Variants in TNFAIP8L3 observed in about 807,000 individuals in gnomAD.
TNFAIP8L3 encodes the protein tumor necrosis factor alpha-induced protein 8-like protein 3.
TNFAIP8L3 carries 7 observed loss-of-function variants against 11.8 expected under a neutral mutation model. The ratio of observed to expected loss-of-function variants is 0.59; its 90% CI spans 0.34 to 1.11. The LOEUF (loss-of-function observed/expected upper bound fraction) is 1.11. TNFAIP8L3 is among the 50% of genes most tolerant of loss of function. TNFAIP8L3 has a pLI of 0.03. For synonymous variants in TNFAIP8L3, 98 were observed against 103.8 expected (o/e 0.94, Z 0.34); for missense variants, 219 against 258.6 (o/e 0.85, Z 1.05).
Position 51,102,073 on chromosome 15 carries a change from A to G in TNFAIP8L3, c.172+2932T>C, listed in dbSNP as rs538164227. Reference sequence around the variant, plus strand: ...AAGAAAGTGTTTTTTAATGATTACAACTAGATGACCATGGGTAGGGGTATT... The same window carrying G: ...AAGAAAGTGTTTTTTAATGATTACAGCTAGATGACCATGGGTAGGGGTATT... On this transcript the variant is annotated intron_variant, in intron 1 of 2. Transcript: ENST00000327536. 1.2e-4 allele frequency among the ~76,000 whole-genome samples: 19 copies of G among 152,296 alleles called. 1 individual carries two copies. The highest frequency in any genetic ancestry group is 4.6e-4 in the African/African-American group (19 of 41,556).
chr15:51,065,857 A>G lies in TNFAIP8L3; in HGVS notation c.53-7414T>C, dbSNP rs115193897. On this transcript the variant is annotated intron_variant, in intron 1 of 1. Coordinates refer to ENST00000637513, the MANE Select transcript of TNFAIP8L3 (RefSeq NM_001311175.2). ...TGAGATAATGGCAGGGAAGAGAATT[A>G]GCTAAAAATGTTAAGCAGAAGTTAA... is the stretch of plus-strand genomic sequence containing the variant. 6.0e-3 allele frequency among the ~76,000 whole-genome samples: 918 copies of G among 152,362 alleles called. 9 individuals are homozygous for G. Among genetic ancestry groups the G allele is most frequent in the African/African-American group, 0.021 (862 of 41,592 alleles).
At chr15:51,092,489 T>C (rs976681649) in intron 1 of TNFAIP8L3, among the ~76,000 whole-genome samples, 1 of 152,370 alleles carries the variant, frequency 6.6e-6, no homozygotes, top group East Asian at 1.9e-4. Flanking sequence ...AGATGGAATA[T>C]AATGCGTGAG....
In TNFAIP8L3 at chr15:51,094,821, A is replaced by C; in HGVS notation, c.-226T>G. 5.6e-6 allele frequency: 3 copies of C among 536,356 alleles called. No individual in the cohort carries two copies. The highest frequency in any genetic ancestry group is 7.1e-6 in the Non-Finnish European group (3 of 421,626). 33.2% of individuals were successfully genotyped at this position (536,356 alleles called of 1,614,324 possible). A position where few individuals can be genotyped will look rare whatever the true frequency, so the allele number is the denominator to read the frequency against. ...CCGGCCGGTGCCTGCGCGCGAGGCG[A>C]GCGCAGGGCGGAGGGTGGGGCGCTC... On this transcript the variant is annotated 5_prime_UTR_variant, in exon 1 of 2. Coordinates refer to ENST00000637513, the MANE Select transcript of TNFAIP8L3 (RefSeq NM_001311175.2). This position sits in a 1 kb window ranked among gnomAD's most constrained non-coding sequence, Gnocchi z 4.4.
chr15:51,100,191 G>A (rs2065540640), intron 1 of TNFAIP8L3, among the ~76,000 whole-genome samples: 3 of 152,218 alleles, frequency 2.0e-5, no homozygotes, highest in African/African-American at 4.8e-5. Context: ...ATGAAGGGAA[G>A]TGACTGTCAC....
Position 51,094,558 on chromosome 15 carries a change from G to C in TNFAIP8L3, c.38C>G (p.Pro13Arg). ...SDSGEQSEGEPVTAAGPDVFS... is the reference protein window; with the variant it reads ...SDSGEQSEGERVTAAGPDVFS... ...CCCCTAGGTACCTGCGGCGGTCACG[G>C]GCTCGCCCTCGCTCTGCTCCCCGGA... is the stretch of plus-strand genomic sequence containing the variant. Residue 13 changes from proline (P) to arginine (R), a missense_variant, in exon 1 of 2, where the codon CCC becomes CGC. By Grantham distance (103) the Pro-to-Arg change is moderately radical. Coordinates refer to ENST00000637513, the MANE Select transcript of TNFAIP8L3 (RefSeq NM_001311175.2). The surrounding 1 kb of genome is among the most constrained non-coding windows in gnomAD (Gnocchi z 4.4). 6.6e-7 allele frequency: 1 copy of C among 1,504,216 alleles called. No individual in the cohort carries two copies. Among genetic ancestry groups the C allele is most frequent in the Non-Finnish European group, 8.8e-7 (1 of 1,131,232 alleles). The allele number at this position is 1,504,216 out of a possible 1,614,324, so 93.2% of individuals were successfully genotyped here. A position where few individuals can be genotyped will look rare whatever the true frequency, so the allele number is the denominator to read the frequency against.
chr15:51,086,085 G>A (rs1044448894), intron 1 of TNFAIP8L3, among the ~76,000 whole-genome samples: 6 of 152,132 alleles, frequency 3.9e-5, no homozygotes, highest in Non-Finnish European at 7.3e-5. Context: ...ACCATGTCCT[G>A]GGGATTGTAT....
At chr15:51,069,224 C>A (rs2065291984) in intron 1 of TNFAIP8L3, among the ~76,000 whole-genome samples, 1 of 152,184 alleles carries the variant, frequency 6.6e-6, no homozygotes, top group Non-Finnish European at 1.5e-5. Context: ...AGGCAGAGAG[C>A]TTTGGCTTTG....
Position 51,094,305 on chromosome 15 carries a change from C to T in TNFAIP8L3, c.52+239G>A, listed in dbSNP as rs62018215. The stretch of plus-strand genomic sequence containing the variant: ...CCACCCAGCCCGGGCGACCAGAGCC[C>T]GCCGCGGGAGACTGGCAGCAAGGAG... On this transcript the variant is annotated intron_variant, in intron 1 of 1. Transcript: ENST00000637513. The surrounding 1 kb of genome is among the most constrained non-coding windows in gnomAD (Gnocchi z 4.4). Among the ~76,000 whole-genome samples the T allele has an allele frequency of 0.12, 17,680 of 152,170 alleles. 1,264 individuals are homozygous for T. Among genetic ancestry groups the T allele is most frequent in the Non-Finnish European group, 0.15 (10,370 of 67,954 alleles).
At chr15:51,076,167 T>G (rs1402127877) in intron 1 of TNFAIP8L3, among the ~76,000 whole-genome samples, 2 of 152,232 alleles carry the variant, frequency 1.3e-5, no homozygotes, top group Non-Finnish European at 2.9e-5. Context: ...GTTTACGGAT[T>G]TAAGACAAGT....
intron 1 of TNFAIP8L3, among the ~76,000 whole-genome samples, chr15:51,078,999 ATGC>A (rs1158009939): frequency 6.6e-6 from 1 of 152,154 alleles, no homozygotes; most frequent in East Asian, 1.9e-4. Context: ...GGCTTCGATG[ATGC>A]TGCTCCTCTA....
chr15:51,068,548 C>T (rs889423005), intron 1 of TNFAIP8L3, among the ~76,000 whole-genome samples: 1 of 152,100 alleles, frequency 6.6e-6, no homozygotes, highest in African/African-American at 2.4e-5. Flanking sequence ...AATGCAAACA[C>T]GTCCATTTAG....
chr15:51,068,840 G>A (rs928882488), intron 1 of TNFAIP8L3, among the ~76,000 whole-genome samples: 1 of 151,834 alleles, frequency 6.6e-6, no homozygotes, highest in African/African-American at 2.4e-5. Flanking sequence ...GCTAATTTTT[G>A]TATTTTTAGT....
intron 1 of TNFAIP8L3, among the ~76,000 whole-genome samples, chr15:51,062,845 G>A (rs993905292): frequency 1.3e-5 from 2 of 152,198 alleles, no homozygotes; most frequent in Non-Finnish European, 1.5e-5. Context: ...CTCATACTTG[G>A]AACCACTGGA....
intron 1 of TNFAIP8L3, among the ~76,000 whole-genome samples, chr15:51,083,892 A>G (rs919910524): frequency 1.3e-5 from 2 of 152,216 alleles, no homozygotes; most frequent in African/African-American, 4.8e-5. Context: ...GCAAATTTCA[A>G]GGGAGAGGAC....
In TNFAIP8L3 at chr15:51,094,513, AC is replaced by A; in HGVS notation, c.52+30del. The stretch of plus-strand genomic sequence containing the variant: ...CTCCCGTCCTCCCCAGCCCCAGCCC[AC>A]CCGCCTGGGCCGTCGCGGCCCCTAG... On this transcript the variant is annotated intron_variant, in intron 1 of 1. Transcript: ENST00000637513. The surrounding 1 kb of genome is among the most constrained non-coding windows in gnomAD (Gnocchi z 4.4). 6.9e-7 allele frequency: 1 copy of A among 1,458,954 alleles called. No homozygotes were observed. Among genetic ancestry groups the A allele is most frequent in the Non-Finnish European group, 9.0e-7 (1 of 1,107,830 alleles). The allele number at this position is 1,458,954 out of a possible 1,614,324, so 90.4% of individuals were successfully genotyped here. A position where few individuals can be genotyped will look rare whatever the true frequency, so the allele number is the denominator to read the frequency against.
At chr15:51,088,793 T>C (rs1303268334) in intron 1 of TNFAIP8L3, among the ~76,000 whole-genome samples, 1 of 152,224 alleles carries the variant, frequency 6.6e-6, no homozygotes, top group African/African-American at 2.4e-5. Context: ...ACCACTGCCA[T>C]GTGCTGCACG....
intron 1 of TNFAIP8L3, among the ~76,000 whole-genome samples, chr15:51,072,989 C>CTTTTT (rs2065321403): frequency 1.3e-4 from 6 of 45,750 alleles, no homozygotes; most frequent in African/African-American, 2.1e-4. Context: ...AAACTGGGAT[C>CTTTTT]CTTTTTTTTT....
intron 1 of TNFAIP8L3, among the ~76,000 whole-genome samples, chr15:51,085,237 T>C (rs1213863555): frequency 6.6e-6 from 1 of 152,168 alleles, no homozygotes; most frequent in Non-Finnish European, 1.5e-5. Context: ...ATTGGAGAAC[T>C]AGTGGCCAAT....
chr15:51,081,569 C>T (rs2140975327), intron 1 of TNFAIP8L3, among the ~76,000 whole-genome samples: 2 of 152,356 alleles, frequency 1.3e-5, no homozygotes, highest in East Asian at 3.9e-4. Flanking sequence ...CACCAACCTC[C>T]ACCCTCTTCA....
Sources: allele counts gnomAD v4.1 joint callset (sites outside exome capture counted in the v4.1 genomes callset), GRCh38; gene constraint gnomAD v4.1.1; non-coding constraint Gnocchi (gnomAD v3.1); transcripts MANE v1.5; gene names NCBI Gene and HGNC (gene_info 2026-07-23, HGNC 2026-07-21).